KATNIP: variants seen among roughly 807,000 people sequenced by gnomAD.
The protein encoded by KATNIP is katanin interacting protein.
A neutral mutation model predicts 174.0 loss-of-function variants in KATNIP; 126 were observed. That is an observed-to-expected ratio of 0.72 (90% CI 0.63 to 0.84). The LOEUF (loss-of-function observed/expected upper bound fraction) is 0.84. KATNIP is among the 40% of genes least tolerant of loss of function. KATNIP has a pLI of 0.00. For synonymous variants in KATNIP, 810 were observed against 835.7 expected (o/e 0.97, Z 0.53); for missense variants, 1,958 against 2,109.7 (o/e 0.93, Z 1.41).
chr16:27,638,786 C>T (rs1187592426), intron 5 of KATNIP, among the ~76,000 whole-genome samples: 1 of 151,302 alleles, frequency 6.6e-6, no homozygotes, highest in Admixed American at 6.6e-5. Flanking sequence ...ACACAGCCCC[C>T]TTGCCTCCCC....
intron 2 of KATNIP, among the ~76,000 whole-genome samples, chr16:27,579,184 A>G (rs1381692913): frequency 6.6e-6 from 1 of 152,204 alleles, no homozygotes; most frequent in African/African-American, 2.4e-5. Flanking sequence ...CAGCATCCAC[A>G]CTGGTGCCCA....
chr16:27,753,252 C>T (rs2081586221), intron 17 of KATNIP, among the ~76,000 whole-genome samples: 1 of 152,158 alleles, frequency 6.6e-6, no homozygotes, highest in African/African-American at 2.4e-5. Flanking sequence ...AAAACCTCTC[C>T]ATTTAAAAAT....
At chr16:27,772,899 ACACACACATG>A (rs1032769091) in intron 22 of KATNIP, among the ~76,000 whole-genome samples, 190 bp from the exon 23 acceptor site, 7 of 152,098 alleles carry the variant, frequency 4.6e-5, no homozygotes, top group African/African-American at 1.2e-4. Context: ...ATGCACACAC[ACACACACATG>A]CACACACATG....
At chr16:27,661,911 AATATATATATATATATATATATAT>A (rs55805859) in intron 6 of KATNIP, among the ~76,000 whole-genome samples, 19 of 9,888 alleles carry the variant, frequency 1.9e-3, no homozygotes, top group Non-Finnish European at 2.6e-3. Context: ...GTGCCTGGCT[AATATATATATATATATATATATAT>A]ATATATATAT....
chr16:27,681,282 G>C, intron 7 of KATNIP, 117 bp from the exon 8 acceptor site: 1 of 1,332,252 alleles, frequency 7.5e-7, no homozygotes, highest in Non-Finnish European at 1.1e-6. Flanking sequence ...ACTGCACAAA[G>C]TAGTTCCGTA....
At chr16:27,746,244 T>C (rs2081291762) in intron 15 of KATNIP, among the ~76,000 whole-genome samples, 1 of 152,192 alleles carries the variant, frequency 6.6e-6, no homozygotes, top group South Asian at 2.1e-4. Flanking sequence ...GCAGCATCCC[T>C]GACACGTGAC....
chr16:27,712,500 G>A (rs1292178064), intron 13 of KATNIP, among the ~76,000 whole-genome samples: 4 of 152,174 alleles, frequency 2.6e-5, no homozygotes, highest in Non-Finnish European at 5.9e-5. Flanking sequence ...CAGGCCATGC[G>A]CATGGCTGAT....
At chr16:27,562,343 A>G (rs956061452) in intron 1 of KATNIP, among the ~76,000 whole-genome samples, 1 of 152,104 alleles carries the variant, frequency 6.6e-6, no homozygotes, top group Non-Finnish European at 1.5e-5. Context: ...TAATAATAGG[A>G]CCTTCCCATA....
chr16:27,675,852 C>T (rs1375345464), intron 6 of KATNIP, among the ~76,000 whole-genome samples: 1 of 152,166 alleles, frequency 6.6e-6, no homozygotes, highest in Non-Finnish European at 1.5e-5. Context: ...CCCTCTCTGT[C>T]CTGGCTTCTG....
rs1250809676 is a variant in KATNIP, at chr16:27,681,469, T to C, written c.879T>C (p.Pro293=). The C allele has an allele frequency of 6.2e-7, 1 of 1,614,168 alleles. No homozygotes were observed. Among genetic ancestry groups the C allele is most frequent in the African/African-American group, 1.3e-5 (1 of 75,058 alleles). Residue 293 remains proline, a synonymous_variant, in exon 8 of 28, where the codon CCT becomes CCC. Transcript: ENST00000261588. ...DNAEVFVPTK[P]EPNLTPQAPA... ...CTGAGGTTTTCGTTCCCACCAAACC[T>C]GAGCCAAACCTGACTCCCCAAGCTC...
intron 20 of KATNIP, 39 bp from the exon 21 acceptor site, chr16:27,769,822 C>T (rs769372996): frequency 6.2e-7 from 1 of 1,604,162 alleles, no homozygotes; most frequent in African/African-American, 1.3e-5. Context: ...CCCACATGGC[C>T]TGCCTCCCTT....
chr16:27,712,277 C>T (rs1196962889), intron 13 of KATNIP, among the ~76,000 whole-genome samples: 2 of 152,176 alleles, frequency 1.3e-5, no homozygotes, highest in East Asian at 1.9e-4. Context: ...CTGGATTCCC[C>T]CTTCTTCCCT....
At chr16:27,598,886 GTA>G (rs1346558374) in intron 2 of KATNIP, among the ~76,000 whole-genome samples, 2 of 152,202 alleles carry the variant, frequency 1.3e-5, no homozygotes, top group East Asian at 3.9e-4. Flanking sequence ...CAGATCCTGG[GTA>G]GAAACAGGTG....
chr16:27,704,989 C>G (rs1390320007), intron 12 of KATNIP, among the ~76,000 whole-genome samples: 1 of 150,254 alleles, frequency 6.7e-6, no homozygotes, highest in East Asian at 2.0e-4. Flanking sequence ...TGGCTCATGG[C>G]AACCTCTGCC....
chr16:27,753,466 C>T (rs997314930), intron 17 of KATNIP, among the ~76,000 whole-genome samples: 4 of 152,124 alleles, frequency 2.6e-5, no homozygotes, highest in African/African-American at 7.2e-5. Flanking sequence ...CTCTCAGTCT[C>T]GTGAGAGACC....
intron 14 of KATNIP, among the ~76,000 whole-genome samples, chr16:27,739,785 C>T (rs754754975): frequency 1.3e-5 from 2 of 151,972 alleles, no homozygotes; most frequent in Non-Finnish European, 2.9e-5. Context: ...ACGAATGTCC[C>T]GACAGGAGGT....
chr16:27,720,098 C>CTGTT lies in KATNIP; in HGVS notation c.1606-1442_1606-1439dup, dbSNP rs539636629. ...CCAGACCCAGCTTACAGTCTCTTCT[C>CTGTT]TGTTTGTTTGTTTGTTTGTTTTTTC... is the stretch of plus-strand genomic sequence containing the variant. On this transcript the variant is annotated intron_variant, in intron 13 of 27. Coordinates refer to ENST00000261588, the MANE Select transcript of KATNIP (RefSeq NM_015202.5). 8.8e-4 allele frequency among the ~76,000 whole-genome samples: 134 copies of CTGTT among 152,198 alleles called. 1 individual carries two copies. The highest frequency in any genetic ancestry group is 6.4e-3 in the South Asian group (31 of 4,816).
At chr16:27,553,636 G>A (rs969652668) in intron 1 of KATNIP, among the ~76,000 whole-genome samples, 1 of 151,934 alleles carries the variant, frequency 6.6e-6, no homozygotes, top group African/African-American at 2.4e-5. Context: ...TCAACATAGT[G>A]AGACTCCATC....
At chr16:27,711,438 A>T (rs1287742811) in intron 13 of KATNIP, among the ~76,000 whole-genome samples, 1 of 152,160 alleles carries the variant, frequency 6.6e-6, no homozygotes, top group Admixed American at 6.5e-5. Flanking sequence ...ACAAAATGAG[A>T]AGGGGAGATG....
Sources: allele counts gnomAD v4.1 joint callset (sites outside exome capture counted in the v4.1 genomes callset), GRCh38; gene constraint gnomAD v4.1.1; transcripts MANE v1.5; gene names NCBI Gene and HGNC (gene_info 2026-07-23, HGNC 2026-07-21).